Variants in NSMAF observed in about 807,000 individuals in gnomAD.
NSMAF encodes the protein neutral sphingomyelinase activation associated factor.
A neutral mutation model predicts 134.9 loss-of-function variants in NSMAF; 90 were observed. The observed-to-expected ratio is 0.67, with a 90% confidence interval of 0.56 to 0.79. NSMAF has a LOEUF of 0.79. NSMAF is among the 30% of genes least tolerant of loss of function. The probability of loss-of-function intolerance (pLI) is 0.00; values close to 1 mark genes in which losing one functional copy is unlikely to be tolerated. For missense variants in NSMAF, 1,010 were observed against 1,119.0 expected, an observed-to-expected ratio of 0.90 and a Z score of 1.39; for synonymous variants, 358 against 389.6, an observed-to-expected ratio of 0.92 and a Z score of 0.96.
intron 2 of NSMAF, 132 bp from the exon 3 acceptor site, chr8:58,635,678 A>T: frequency 1.7e-6 from 1 of 575,114 alleles, no homozygotes; most frequent in Non-Finnish European, 3.1e-6. Context: ...TATAAAGAGA[A>T]CGTCTCTATT....
chr8:58,634,531 G>C (rs951775353), intron 5 of NSMAF, among the ~76,000 whole-genome samples: 3 of 152,114 alleles, frequency 2.0e-5, no homozygotes, highest in African/African-American at 7.2e-5. Flanking sequence ...AACACCCCAA[G>C]GAACGAGAGC....
intron 5 of NSMAF, among the ~76,000 whole-genome samples, chr8:58,633,871 G>A (rs1399546937): frequency 1.3e-5 from 2 of 152,154 alleles, no homozygotes; most frequent in Admixed American, 1.3e-4. Flanking sequence ...CTGGTTTTGA[G>A]CTGGTTTCAT....
At chr8:58,642,195 G>T (rs912753047) in intron 2 of NSMAF, among the ~76,000 whole-genome samples, 19 of 152,248 alleles carry the variant, frequency 1.2e-4, no homozygotes, top group South Asian at 4.1e-4. Flanking sequence ...TAAACCTGAA[G>T]AATAATAAAA....
chr8:58,599,571 A>G, intron 18 of NSMAF, 179 bp downstream of exon 18: 1 of 878,322 alleles, frequency 1.1e-6, no homozygotes, highest in Non-Finnish European at 1.7e-6. Context: ...TCTCAAATAT[A>G]TATTAATGTT....
chr8:58,601,156 T>C (rs902973954), intron 16 of NSMAF, 129 bp downstream of exon 16: 15 of 758,932 alleles, frequency 2.0e-5, no homozygotes, highest in South Asian at 3.4e-5. Context: ...CTGAGAGGAA[T>C]AGATAGAACA....
chr8:58,657,310 T>A (rs1046774869), intron 1 of NSMAF, among the ~76,000 whole-genome samples: 1 of 152,200 alleles, frequency 6.6e-6, no homozygotes, highest in Non-Finnish European at 1.5e-5. Context: ...AAATCTAAAA[T>A]CCCTTAATTA....
intron 1 of NSMAF, 83 bp downstream of exon 1, chr8:58,659,490 C>T (rs1264253304): frequency 4.7e-6 from 7 of 1,499,222 alleles, no homozygotes; most frequent in Non-Finnish European, 5.3e-6. Context: ...CGCCGCCTCC[C>T]GTCCCTCAGA....
At chr8:58,638,937 CA>C (rs1324481316) in intron 2 of NSMAF, among the ~76,000 whole-genome samples, 1 of 152,046 alleles carries the variant, frequency 6.6e-6, no homozygotes, top group East Asian at 1.9e-4. Flanking sequence ...AATAAGAAAA[CA>C]AATAGCCTAT....
intron 26 of NSMAF, chr8:58,588,281 C>T: frequency 1.5e-6 from 1 of 648,832 alleles, no homozygotes; most frequent in Non-Finnish European, 2.7e-6. Flanking sequence ...CAGATATTTT[C>T]AGTTTAAATA....
intron 6 of NSMAF, among the ~76,000 whole-genome samples, chr8:58,625,692 T>G (rs1046847251): frequency 6.6e-6 from 1 of 152,198 alleles, no homozygotes; most frequent in African/African-American, 2.4e-5. Context: ...ATGAGTCTCT[T>G]GCAGATGGCA....
At chr8:58,628,544 C>A (rs1303729745) in intron 6 of NSMAF, among the ~76,000 whole-genome samples, 1 of 152,132 alleles carries the variant, frequency 6.6e-6, no homozygotes, top group Non-Finnish European at 1.5e-5. Flanking sequence ...ATACTTTTGT[C>A]TTTTAATTTG....
At chr8:58,634,601 C>T (rs187128729) in intron 5 of NSMAF, among the ~76,000 whole-genome samples, 8 of 152,128 alleles carry the variant, frequency 5.3e-5, no homozygotes, top group Non-Finnish European at 1.2e-4. Flanking sequence ...AAACCCAGAG[C>T]CAAAAGAAAG....
Position 58,635,562 on chromosome 8 carries a change from C to A in NSMAF, c.150-16G>T, listed in dbSNP as rs776925338. The A allele has an allele frequency of 6.6e-7, 1 of 1,513,510 alleles. No homozygotes were observed. Among genetic ancestry groups the A allele is most frequent in the South Asian group, 1.2e-5 (1 of 83,346 alleles). 93.8% of individuals were successfully genotyped at this position (1,513,510 alleles called of 1,614,324 possible). ...TCTGATTTTCCTAGGGATCCAAGTA[C>A]AACAGATTGTTTGATGAGCATAACA... On this transcript the variant is annotated splice_polypyrimidine_tract_variant and intron_variant, in intron 2 of 30. Coordinates refer to ENST00000038176, the MANE Select transcript of NSMAF (RefSeq NM_003580.4).
intron 5 of NSMAF, among the ~76,000 whole-genome samples, chr8:58,633,818 C>A (rs1415401591): frequency 6.6e-6 from 1 of 152,104 alleles, no homozygotes; most frequent in Non-Finnish European, 1.5e-5. Flanking sequence ...ATACTTGACA[C>A]AGGAAGCTTT....
chr8:58,630,169 C>T (rs556590467), intron 6 of NSMAF, among the ~76,000 whole-genome samples: 18 of 152,280 alleles, frequency 1.2e-4, no homozygotes, highest in Admixed American at 8.5e-4. Flanking sequence ...GTTTCATGCT[C>T]ACCGGGGGTG....
rs769312796 is a variant in NSMAF, at chr8:58,631,489, T to C, written c.384+7A>G. The stretch of plus-strand genomic sequence containing the variant: ...ATTGCTGGAAATACATGAAAAGCTT[T>C]ACTTACCCTTTCTATTTTATATGGT... On this transcript the variant is annotated splice_region_variant and intron_variant, in intron 6 of 30. Transcript: ENST00000038176. The C allele has an allele frequency of 3.2e-5, 48 of 1,485,254 alleles. 1 individual carries two copies. The highest frequency in any genetic ancestry group is 1.7e-4 in the Middle Eastern group (1 of 5,810). 92.0% of individuals were successfully genotyped at this position (1,485,254 alleles called of 1,614,324 possible).
intron 1 of NSMAF, among the ~76,000 whole-genome samples, chr8:58,648,916 G>A (rs1807520328): frequency 6.6e-6 from 1 of 152,254 alleles, no homozygotes; most frequent in Admixed American, 6.5e-5. Context: ...GTATGAAGGG[G>A]AAAAGTGGGC....
chr8:58,586,505 T>C lies in NSMAF; in HGVS notation c.2399A>G (p.Gln800Arg). 6.2e-7 allele frequency: 1 copy of C among 1,612,422 alleles called. No individual in the cohort carries two copies. The change falls in exon 28 of 31, where the codon CAG becomes CGG. Residue 800 changes from glutamine to arginine, a missense_variant. Gln to Arg is a conservative substitution (Grantham distance 43). Transcript: ENST00000038176. The stretch of plus-strand genomic sequence containing the variant: ...TACAATCCCTGAATGGCATGGAATC[T>C]GGTGCATTAAGGTGGCCGTTGTGAG... ...WDLTTATLMH[Q>R]IPCHSGIVCD...
chr8:58,612,384 AG>A (rs1420895993), intron 9 of NSMAF, among the ~76,000 whole-genome samples: 1 of 152,222 alleles, frequency 6.6e-6, no homozygotes, highest in Non-Finnish European at 1.5e-5. Context: ...CTCACTCCAC[AG>A]GGACAGAAGC....
Sources: gnomAD v4.1 joint callset for allele counts (sites outside exome capture counted in the v4.1 genomes callset) on GRCh38, gnomAD v4.1.1 for gene constraint, MANE v1.5 for transcripts, NCBI Gene and HGNC (gene_info 2026-07-23, HGNC 2026-07-21) for gene names.